Variants in SUV39H2 observed in about 807,000 individuals in gnomAD.
SUV39H2 encodes the protein SUV39H2 histone lysine methyltransferase.
In SUV39H2, 10 loss-of-function variants were observed where a neutral mutation model predicts 47.5. The observed-to-expected ratio is 0.21, with a 90% CI of 0.13 to 0.36. The LOEUF (loss-of-function observed/expected upper bound fraction) is 0.36, where lower values mean the gene tolerates loss of function less well. Ranked by LOEUF, SUV39H2 falls within the 10% of genes least tolerant of loss-of-function variation. The pLI is 1.00. For synonymous variants in SUV39H2, 159 were observed against 166.8 expected (o/e 0.95, Z 0.36); for missense variants, 266 against 487.4 (o/e 0.55, Z 4.28).
chr10:14,880,617 C>A (rs186018044), intron 1 of SUV39H2, among the ~76,000 whole-genome samples: 1 of 152,264 alleles, frequency 6.6e-6, no homozygotes, highest in African/African-American at 2.4e-5. Flanking sequence ...AAGTTTGTTC[C>A]ATTTTCCTAA....
chr10:14,899,231 G>A (rs1221165983), intron 3 of SUV39H2: 1 of 702,130 alleles, frequency 1.4e-6, no homozygotes, highest in Non-Finnish European at 2.6e-6. Flanking sequence ...GAGGCAGGAA[G>A]ATCGCTTGAT....
intron 3 of SUV39H2, 59 bp downstream of exon 3, chr10:14,897,576 ATTACCTTTT>A: frequency 1.4e-6 from 2 of 1,382,212 alleles, no homozygotes; most frequent in Non-Finnish European, 1.9e-6. Flanking sequence ...CTTTTGGAAA[ATTACCTTTT>A]TATCTCTTTA....
chr10:14,883,570 T>TG (rs1833109072), intron 2 of SUV39H2, among the ~76,000 whole-genome samples: 1 of 151,692 alleles, frequency 6.6e-6, no homozygotes, highest in Admixed American at 6.6e-5. Flanking sequence ...CCGGGCATGG[T>TG]GGCGGGCCCC....
At chr10:14,895,177 TTTA>T (rs1243325542) in intron 2 of SUV39H2, among the ~76,000 whole-genome samples, 34 of 130,808 alleles carry the variant, frequency 2.6e-4, no homozygotes, top group African/African-American at 1.2e-3. Flanking sequence ...ATTTTTTACT[TTTA>T]TTTTTTTTTT....
chr10:14,899,441 T>C, intron 3 of SUV39H2, 98 bp from the exon 4 acceptor site: 1 of 1,327,894 alleles, frequency 7.5e-7, no homozygotes, highest in Non-Finnish European at 1.0e-6. Context: ...TTTCTTACTT[T>C]TTAAATATTT....
chr10:14,897,735 T>C (rs144937535), intron 3 of SUV39H2: 127 of 333,498 alleles, frequency 3.8e-4, no homozygotes, highest in African/African-American at 2.3e-3. Context: ...CAAATTGATA[T>C]AGTCATCTTT....
At chr10:14,882,479 C>T (rs1342628235) in intron 2 of SUV39H2, among the ~76,000 whole-genome samples, 2 of 152,206 alleles carry the variant, frequency 1.3e-5, no homozygotes, top group Non-Finnish European at 2.9e-5. Flanking sequence ...CAGCATCCTT[C>T]GGCCCCTGAA....
At chr10:14,880,755 T>C (rs1212298827) in intron 1 of SUV39H2, among the ~76,000 whole-genome samples, 1 of 152,238 alleles carries the variant, frequency 6.6e-6, no homozygotes, top group African/African-American at 2.4e-5. Flanking sequence ...TCTAATTTTC[T>C]TTGAGTTTAG....
chr10:14,897,505 A>G lies in SUV39H2; in HGVS notation c.837A>G (p.Glu279=), dbSNP rs763345695. The stretch of plus-strand genomic sequence containing the variant: ...TTAAAAGAATGAGTTTTGTCATGGA[A>G]TATGTTGGAGAGGTATGTTTCATTT... ...VKIKRMSFVM[E]YVGEVITSEE... Residue 279 remains glutamate (E), a synonymous_variant, in exon 3 of 6, where the codon GAA becomes GAG. Transcript: ENST00000354919. 1.2e-5 allele frequency: 19 copies of G among 1,558,938 alleles called. No homozygotes were observed. In the African/African-American group the frequency reaches 2.2e-4, roughly 18 times the overall value.
At chr10:14,886,834 G>A (rs1372140892) in intron 2 of SUV39H2, among the ~76,000 whole-genome samples, 4 of 152,042 alleles carry the variant, frequency 2.6e-5, no homozygotes, top group African/African-American at 7.3e-5. Flanking sequence ...GGCAAACATC[G>A]TTAGAAGATC....
intron 2 of SUV39H2, among the ~76,000 whole-genome samples, chr10:14,885,197 G>A (rs1833167594): frequency 6.6e-6 from 1 of 152,046 alleles, no homozygotes; most frequent in African/African-American, 2.4e-5. Context: ...GAGGCCTTGA[G>A]CCCTTTCTGG....
intron 2 of SUV39H2, among the ~76,000 whole-genome samples, chr10:14,882,898 G>A (rs542173730): frequency 2.5e-4 from 36 of 144,152 alleles, no homozygotes; most frequent in African/African-American, 9.1e-4. Context: ...CCAGAGTCTC[G>A]CTCTTGTCGC....
chr10:14,885,227 A>G (rs1833168675), intron 2 of SUV39H2, among the ~76,000 whole-genome samples: 1 of 152,022 alleles, frequency 6.6e-6, no homozygotes, highest in African/African-American at 2.4e-5. Context: ...CGAACTGGAT[A>G]CCCTACAGGT....
chr10:14,897,123 G>C lies in SUV39H2; in HGVS notation c.455G>C (p.Gly152Ala). 6.2e-7 allele frequency: 1 copy of C among 1,613,754 alleles called. No homozygotes were observed. The highest frequency in any genetic ancestry group is 2.2e-5 in the East Asian group (1 of 44,882). Residue 152 changes from glycine to alanine, a missense_variant, in exon 3 of 6, where the codon GGA (glycine) becomes GCA (alanine). Gly to Ala is a moderately conservative substitution (Grantham distance 60). This residue lies in a region of SUV39H2 where 91 missense variants were observed against 110.9 expected (regional missense o/e 0.82). Transcript: ENST00000354919. Reference protein sequence around the residue: ...DELNRRKNHKGMIFVENTVDL... With the variant: ...DELNRRKNHKAMIFVENTVDL... ...CTCAACAGAAGAAAGAATCATAAAG[G>C]AATGATATTTGTTGAAAATACTGTT...
rs184677856 is a variant in SUV39H2 at position 14,896,653 on chromosome 10, T to G, written c.178-193T>G. Among the ~76,000 whole-genome samples the G allele has an allele frequency of 7.1e-3, 1,088 of 152,338 alleles. 7 individuals carry two copies. Among genetic ancestry groups the G allele is most frequent in the African/African-American group, 0.025 (1,037 of 41,568 alleles). On this transcript the variant is annotated intron_variant, in intron 2 of 5. Transcript: ENST00000354919. ...TATGCCACATCTAAATTCCATATTT[T>G]ATGTAATATAAGGAAAAATAGTTTT... is the stretch of plus-strand genomic sequence containing the variant.
intron 5 of SUV39H2, among the ~76,000 whole-genome samples, chr10:14,901,827 T>TG (rs1834042278): frequency 6.7e-6 from 1 of 150,006 alleles, no homozygotes; most frequent in Non-Finnish European, 1.5e-5. Flanking sequence ...AGACCCTGTC[T>TG]GAAAAAAAAA....
intron 3 of SUV39H2, 177 bp downstream of exon 3, chr10:14,897,694 CTT>C (rs1833682394): frequency 6.4e-6 from 3 of 468,364 alleles, no homozygotes; most frequent in South Asian, 1.0e-4. Context: ...AAATAAAAAA[CTT>C]TTATATGAAT....
chr10:14,892,387 T>C (rs1217065481), intron 2 of SUV39H2, among the ~76,000 whole-genome samples: 4 of 152,212 alleles, frequency 2.6e-5, no homozygotes, highest in African/African-American at 9.7e-5. Context: ...AATTTGTTCT[T>C]GCCTTACCAT....
At position 14,899,544 on chromosome 10, in the gene SUV39H2, C is replaced by T; in HGVS notation, c.855C>T (p.Ile285=). 6.2e-7 allele frequency: 1 copy of T among 1,613,532 alleles called. No individual in the cohort carries two copies. Among genetic ancestry groups the T allele is most frequent in the Admixed American group, 1.7e-5 (1 of 59,900 alleles). ...SFVMEYVGEV[I]TSEEAERRGQ... ...TTACAGTTTTTTCTGTTTAGGTAAT[C>T]ACAAGTGAAGAAGCTGAAAGACGAG... Residue 285 remains isoleucine, a synonymous_variant, in exon 4 of 6, where the codon ATC becomes ATT. Transcript: ENST00000354919.
Sources: gnomAD v4.1 joint callset for allele counts (sites outside exome capture counted in the v4.1 genomes callset) on GRCh38, gnomAD v4.1.1 for gene constraint, gnomAD v4.1.1 regional missense constraint, MANE v1.5 for transcripts, NCBI Gene and HGNC (gene_info 2026-07-23, HGNC 2026-07-21) for gene names.